NBDY: variants seen among roughly 807,000 people sequenced by gnomAD.
The protein encoded by NBDY is P-body dissociating protein.
At chrX:56,752,293 A>G (rs1485721590) in intron 2 of NBDY, among the ~76,000 whole-genome samples, 1 of 112,241 alleles carries the variant, frequency 8.9e-6, no homozygotes. Context: ...TGCTTTCCAC[A>G]GTGGCTGAAC....
chrX:56,792,385 T>C (rs1040415819), intron 2 of NBDY, among the ~76,000 whole-genome samples: 11 of 111,122 alleles, frequency 9.9e-5, no homozygotes, highest in Non-Finnish European at 1.5e-4. Flanking sequence ...TGTGAACACA[T>C]TGATCTGGAT....
intron 1 of NBDY, among the ~76,000 whole-genome samples, chrX:56,730,513 C>CTAAAAA (rs2069452231): frequency 8.9e-5 from 1 of 11,207 alleles, no homozygotes; most frequent in Non-Finnish European, 1.7e-4. Context: ...AACTACGTCT[C>CTAAAAA]AAAAAAAAAA....
chrX:56,803,838 G>C (rs773676622), intron 2 of NBDY, among the ~76,000 whole-genome samples: 1 of 112,242 alleles, frequency 8.9e-6, no homozygotes, highest in South Asian at 3.7e-4. Flanking sequence ...AAGAAAGAAA[G>C]AAAGAAACCG....
intron 2 of NBDY, among the ~76,000 whole-genome samples, chrX:56,764,925 T>G (rs1041762788): frequency 8.9e-6 from 1 of 111,892 alleles, no homozygotes; most frequent in Non-Finnish European, 1.9e-5. Flanking sequence ...TGGTGGCTCT[T>G]CCTCTGTGAG....
chrX:56,759,357 G>A (rs992002355), intron 2 of NBDY, among the ~76,000 whole-genome samples: 2 of 111,984 alleles, frequency 1.8e-5, no homozygotes, highest in African/African-American at 6.5e-5. Flanking sequence ...AACCTGGAGA[G>A]GGCCAAAGGA....
chrX:56,767,128 C>G (rs1471156562), intron 2 of NBDY, among the ~76,000 whole-genome samples: 1 of 113,693 alleles, frequency 8.8e-6, no homozygotes, highest in Admixed American at 9.2e-5. Flanking sequence ...GGCGGCAGCC[C>G]TGTGATCCCA....
At chrX:56,790,543 C>T (rs1290270252) in intron 2 of NBDY, among the ~76,000 whole-genome samples, 6 of 112,316 alleles carry the variant, frequency 5.3e-5, no homozygotes, top group Admixed American at 1.9e-4. Context: ...GTAGCATGCA[C>T]CACGGGGCAC....
chrX:56,815,596 AAT>A (rs1489655570), intron 2 of NBDY, among the ~76,000 whole-genome samples: 1 of 112,017 alleles, frequency 8.9e-6, no homozygotes, highest in East Asian at 2.8e-4. Context: ...ACCATCTGAG[AAT>A]ATGTTTGCAT....
chrX:56,795,955 G>A (rs2069789758), intron 2 of NBDY, among the ~76,000 whole-genome samples: 1 of 111,318 alleles, frequency 9.0e-6, no homozygotes, highest in Non-Finnish European at 1.9e-5. Context: ...GTCTTCATCT[G>A]TGCTTGCATA....
At chrX:56,783,160 G>A (rs1468470288) in intron 2 of NBDY, among the ~76,000 whole-genome samples, 5 of 112,855 alleles carry the variant, frequency 4.4e-5, no homozygotes, top group African/African-American at 6.4e-5. Context: ...CGGGACAAGA[G>A]AGGAACTCCT....
intron 2 of NBDY, among the ~76,000 whole-genome samples, chrX:56,767,555 C>T (rs1363821364): frequency 8.8e-6 from 1 of 113,147 alleles, no homozygotes; most frequent in African/African-American, 3.2e-5. Context: ...AGTTGCCGGT[C>T]GGCATGAGCT....
chrX:56,798,038 C>A (rs1602666243), intron 2 of NBDY, among the ~76,000 whole-genome samples: 1 of 111,783 alleles, frequency 8.9e-6, no homozygotes, highest in African/African-American at 3.3e-5. Flanking sequence ...TAGAGGTAAA[C>A]AAACACACAA....
intron 2 of NBDY, among the ~76,000 whole-genome samples, chrX:56,736,317 TGCAGTGGCGCAATCTAG>T (rs2069491936): frequency 8.9e-6 from 1 of 112,207 alleles, no homozygotes; most frequent in Non-Finnish European, 1.9e-5. Flanking sequence ...CAGGCTGAAG[TGCAGTGGCGCAATCTAG>T]GCCCACTGCA....
chrX:56,817,261 A>G (rs898902878), intron 2 of NBDY, 59 bp from the exon 3 acceptor site: 1 of 112,374 alleles, frequency 8.9e-6, no homozygotes, highest in Non-Finnish European at 1.9e-5. Context: ...TCTGACCTGT[A>G]TGATAATGGA....
intron 2 of NBDY, among the ~76,000 whole-genome samples, chrX:56,809,152 G>A (rs1257777407): frequency 8.9e-6 from 1 of 112,103 alleles, no homozygotes; most frequent in East Asian, 2.8e-4. Flanking sequence ...TTTTGCATTT[G>A]CTGAGGAGTG....
intron 2 of NBDY, among the ~76,000 whole-genome samples, chrX:56,807,008 G>T (rs764414041): frequency 8.9e-6 from 1 of 111,743 alleles, no homozygotes; most frequent in African/African-American, 3.3e-5. Flanking sequence ...GTAAGGAAGG[G>T]TTCCAGTTTC....
At position 56,731,122 on chromosome X, in the gene NBDY, GA is replaced by G. The variant is rs397947592; in HGVS notation, c.*30-930del. ...ACATTGGGTTTGGTGGTAATGCATA[GA>G]AAAAAAAAAATAGAAATCTATTTTA... On this transcript the variant is annotated intron_variant, in intron 1 of 2. Coordinates refer to ENST00000374922, the MANE Select transcript of NBDY (RefSeq NM_001348129.2). Among the ~76,000 whole-genome samples the G allele has an allele frequency of 4.0e-3, 416 of 103,145 alleles. 1 individual carries two copies. The highest frequency in any genetic ancestry group is 0.011 in the African/African-American group (318 of 28,464). 89.6% of individuals were successfully genotyped at this position (103,145 alleles called of 115,157 possible). A position where few individuals can be genotyped will look rare whatever the true frequency, so the allele number is the denominator to read the frequency against.
chrX:56,747,032 T>A (rs2069561395), intron 2 of NBDY, among the ~76,000 whole-genome samples: 1 of 112,075 alleles, frequency 8.9e-6, no homozygotes, highest in Admixed American at 9.5e-5. Flanking sequence ...TTCTTGTAAT[T>A]GTGGTGTGGA....
intron 2 of NBDY, among the ~76,000 whole-genome samples, chrX:56,784,851 G>T (rs536860643): frequency 8.9e-6 from 1 of 112,275 alleles, no homozygotes; most frequent in East Asian, 2.8e-4. Context: ...CATACAGCCC[G>T]CTTCTTGGGA....
Sources: allele counts gnomAD v4.1 joint callset (sites outside exome capture counted in the v4.1 genomes callset), GRCh38; gene constraint gnomAD v4.1.1; transcripts MANE v1.5; gene names NCBI Gene and HGNC (gene_info 2026-07-23, HGNC 2026-07-21).